The following TTF1 variants were observed in gnomAD, a reference collection of about 807,000 sequenced individuals.
TTF1 encodes the protein transcription termination factor 1, also known as transcription termination factor, RNA polymerase I.
A neutral mutation model predicts 80.2 loss-of-function variants in TTF1; 64 were observed. The ratio of observed to expected loss-of-function variants is 0.80; its 90% CI spans 0.65 to 0.98. The LOEUF (loss-of-function observed/expected upper bound fraction) is 0.98, where lower values mean the gene tolerates loss of function less well. Ranked by LOEUF, TTF1 falls within the 50% of genes least tolerant of loss-of-function variation. TTF1 has a pLI of 0.00. For synonymous variants in TTF1, 372 were observed against 382.7 expected, an observed-to-expected ratio of 0.97 and a Z score of 0.33; for missense variants, 1,023 against 1,086.2, an observed-to-expected ratio of 0.94 and a Z score of 0.82.
intron 7 of TTF1, among the ~76,000 whole-genome samples, chr9:132,390,182 A>G (rs1255511282): frequency 1.3e-5 from 2 of 152,038 alleles, no homozygotes; most frequent in African/African-American, 4.8e-5. Context: ...GTTTTGCCAC[A>G]TTGGCCAGGC....
In TTF1 at chr9:132,392,218, G is replaced by C; in HGVS notation, c.1857-12C>G. 1 of 1,613,748 alleles carries C rather than the reference G, an allele frequency of 6.2e-7. No homozygotes were observed. The highest frequency in any genetic ancestry group is 1.1e-5 in the South Asian group (1 of 91,022). On this transcript the variant is annotated splice_polypyrimidine_tract_variant and intron_variant, in intron 5 of 10. Transcript: ENST00000334270. The stretch of plus-strand genomic sequence containing the variant: ...CTCCTTCGCTATACCTAGGAGAAAG[G>C]GAAAATGTTTTACAAGTTTAAACGA...
At chr9:132,400,981 G>A (rs1343376623) in intron 2 of TTF1, among the ~76,000 whole-genome samples, 3 of 152,162 alleles carry the variant, frequency 2.0e-5, no homozygotes, top group Admixed American at 6.5e-5. Flanking sequence ...AATTAAAGAT[G>A]TACGATATTC....
intron 10 of TTF1, among the ~76,000 whole-genome samples, chr9:132,378,629 TTGGTGTGAGTGCATG>T (rs1183517694): frequency 1.1e-4 from 13 of 122,082 alleles, no homozygotes; most frequent in Non-Finnish European, 1.5e-4. Context: ...GTGCATGTGG[TTGGTGTGAGTGCATG>T]TGGTGTGAGT....
chr9:132,386,986 C>G (rs1849480232), intron 8 of TTF1, among the ~76,000 whole-genome samples: 2 of 152,180 alleles, frequency 1.3e-5, no homozygotes, highest in Non-Finnish European at 2.9e-5. Flanking sequence ...GATACAGGGT[C>G]TCGCTCTGTC....
chr9:132,381,714 G>C (rs985000119), intron 9 of TTF1, among the ~76,000 whole-genome samples: 1 of 152,110 alleles, frequency 6.6e-6, no homozygotes, highest in Non-Finnish European at 1.5e-5. Context: ...TGTGAGTCCT[G>C]GCAGGGCCTG....
rs140776005 is a variant in TTF1 at position 132,401,910 on chromosome 9, C to A, written c.912G>T (p.Gly304=). The A allele has an allele frequency of 6.2e-7, 1 of 1,612,260 alleles. No individual in the cohort carries two copies. The highest frequency in any genetic ancestry group is 8.5e-7 in the Non-Finnish European group (1 of 1,179,872). The change falls in exon 2 of 11, where the codon GGG becomes GGT. Residue 304 remains glycine, a synonymous_variant. Transcript: ENST00000334270. The stretch of plus-strand genomic sequence containing the variant: ...CAGGCCGGGATTCCTGCATATCAGC[C>A]CCAACCTCACTGCCCACTTGTGATC... ...PEGSQVGSEV[G]ADMQESRPAV...
At chr9:132,386,250 G>T (rs975129559) in intron 9 of TTF1, among the ~76,000 whole-genome samples, 2 of 152,108 alleles carry the variant, frequency 1.3e-5, no homozygotes, top group Admixed American at 1.3e-4. Flanking sequence ...GAGGCGTGAT[G>T]ATCTATGTGA....
At chr9:132,406,127 T>G (rs924883801) in intron 1 of TTF1, among the ~76,000 whole-genome samples, 1 of 152,162 alleles carries the variant, frequency 6.6e-6, no homozygotes, top group African/African-American at 2.4e-5. Flanking sequence ...GATATGCATT[T>G]ATCCCCCCTT....
At position 132,396,530 on chromosome 9, in the gene TTF1, T is replaced by C. The variant is rs1440815746; in HGVS notation, c.1778-19A>G. On this transcript the variant is annotated intron_variant, in intron 4 of 10. Coordinates refer to ENST00000334270, the MANE Select transcript of TTF1 (RefSeq NM_007344.4). ...TTCCTACCTAAAGTCAGAAGAAAGGTGATCAGAGGGACTCACATGAAATGA... is the reference window on the plus strand; with the variant it reads ...TTCCTACCTAAAGTCAGAAGAAAGGCGATCAGAGGGACTCACATGAAATGA... 2 of 1,609,370 alleles carry C rather than the reference T, an allele frequency of 1.2e-6. No individual in the cohort carries two copies. The highest frequency in any genetic ancestry group is 3.3e-5 in the Admixed American group (2 of 59,986).
At chr9:132,378,214 TGTG>T (rs1409922131) in intron 10 of TTF1, among the ~76,000 whole-genome samples, 1 of 109,884 alleles carries the variant, frequency 9.1e-6, no homozygotes, top group Admixed American at 1.0e-4. Flanking sequence ...TGTGAATGCA[TGTG>T]GTGTGTGAGT....
intron 10 of TTF1, 96 bp downstream of exon 10, chr9:132,378,963 G>C (rs1348620925): frequency 4.7e-6 from 4 of 848,552 alleles, no homozygotes; most frequent in Non-Finnish European, 7.3e-6. Context: ...ATGAAGCTGA[G>C]GCTCTAAGTC....
chr9:132,386,522 TTTAA>T, intron 9 of TTF1, 30 bp downstream of exon 9: 3 of 1,497,392 alleles, frequency 2.0e-6, no homozygotes, highest in Non-Finnish European at 2.8e-6. Flanking sequence ...ATCTCTATAT[TTTAA>T]TTAGTTTAAT....
intron 7 of TTF1, among the ~76,000 whole-genome samples, chr9:132,390,146 AT>A (rs199757419): frequency 0.019 from 2,848 of 152,058 alleles, 33 homozygotes; most frequent in Non-Finnish European, 0.03. Flanking sequence ...CACTTGGCTA[AT>A]TTTTGTATTT....
chr9:132,398,373 A>G (rs1193519119), intron 3 of TTF1, 47 bp from the exon 4 acceptor site: 2 of 1,417,136 alleles, frequency 1.4e-6, no homozygotes, highest in African/African-American at 6.3e-5. Flanking sequence ...GTTAATAATG[A>G]CAAAAGCAAA....
At chr9:132,385,323 G>A (rs2131627900) in intron 9 of TTF1, among the ~76,000 whole-genome samples, 1 of 152,322 alleles carries the variant, frequency 6.6e-6, no homozygotes, top group South Asian at 2.1e-4. Context: ...TGAGAGCTGG[G>A]CTGAAAACCA....
intron 10 of TTF1, among the ~76,000 whole-genome samples, chr9:132,378,709 G>A (rs1456794491): frequency 6.6e-6 from 1 of 150,808 alleles, no homozygotes; most frequent in East Asian, 1.9e-4. Flanking sequence ...TGGTGTGAGT[G>A]CATGTGGTGT....
chr9:132,402,514 G>A lies in TTF1; in HGVS notation c.308C>T (p.Thr103Ile). Residue 103 changes from threonine to isoleucine, a missense_variant, in exon 2 of 11, where the codon ACA becomes ATA. By Grantham distance (89) the Thr-to-Ile change is moderately conservative. Transcript: ENST00000334270. ...ALEVDEEAGV[T>I]VVLVDKENIN... ...ATTTTCTTTATCCACAAGGACAACT[G>A]TAACACCTGCTTCCTCGTCCACCTC... 1.9e-6 allele frequency: 3 copies of A among 1,614,180 alleles called. No individual in the cohort carries two copies. The highest frequency in any genetic ancestry group is 1.7e-6 in the Non-Finnish European group (2 of 1,180,042).
At chr9:132,376,407 G>A (rs2131613183) in intron 10 of TTF1, among the ~76,000 whole-genome samples, 1 of 152,296 alleles carries the variant, frequency 6.6e-6, no homozygotes, top group South Asian at 2.1e-4. Context: ...GACATTAAGA[G>A]ACTTGCCCGA....
chr9:132,398,863 T>A (rs540193751), intron 3 of TTF1, among the ~76,000 whole-genome samples: 1 of 152,324 alleles, frequency 6.6e-6, no homozygotes, highest in Admixed American at 6.5e-5. Flanking sequence ...GTGCTGGGAT[T>A]ACAGGTGTGA....
Sources: gnomAD v4.1 joint callset for allele counts (sites outside exome capture counted in the v4.1 genomes callset) on GRCh38, gnomAD v4.1.1 for gene constraint, MANE v1.5 for transcripts, NCBI Gene and HGNC (gene_info 2026-07-23, HGNC 2026-07-21) for gene names.